MYO18B: variants seen among roughly 807,000 people sequenced by gnomAD.
MYO18B encodes the protein myosin XVIIIB, also known as unconventional myosin-XVIIIb.
Under a neutral mutation model 273.0 loss-of-function variants are expected in MYO18B, and 204 were observed. That is an observed-to-expected ratio of 0.75 (90% CI 0.67 to 0.84). The LOEUF (loss-of-function observed/expected upper bound fraction) is 0.84. Among genes scored for constraint, MYO18B ranks in the 40% least tolerant of loss-of-function variants. The probability of loss-of-function intolerance (pLI) is 0.00; values close to 1 mark genes in which losing one functional copy is unlikely to be tolerated. For synonymous variants in MYO18B, 1,330 were observed against 1,305.7 expected (o/e 1.02, Z -0.40); for missense variants, 3,212 against 3,287.6 (o/e 0.98, Z 0.56).
intron 32 of MYO18B, 87 bp from the exon 33 acceptor site, chr22:25,910,859 C>T (rs568556220): frequency 7.6e-6 from 8 of 1,052,958 alleles, no homozygotes; most frequent in South Asian, 4.2e-5. Flanking sequence ...CTCTACATTC[C>T]TCCGCCTTCT....
intron 18 of MYO18B, 128 bp downstream of exon 18, chr22:25,844,022 A>G (rs980123598): frequency 2.5e-6 from 2 of 796,174 alleles, no homozygotes; most frequent in Non-Finnish European, 3.8e-6. Flanking sequence ...TCCCTCCATA[A>G]TGGAGCAAAG....
chr22:25,841,963 G>T (rs895394332), intron 17 of MYO18B, among the ~76,000 whole-genome samples: 2 of 152,238 alleles, frequency 1.3e-5, no homozygotes, highest in African/African-American at 4.8e-5. Context: ...TTTCTTGAGG[G>T]CAGGGACTGC....
At chr22:25,977,419 G>C (rs756790002) in intron 39 of MYO18B, among the ~76,000 whole-genome samples, 2 of 152,128 alleles carry the variant, frequency 1.3e-5, no homozygotes, top group African/African-American at 4.8e-5. Flanking sequence ...GCTACACCAG[G>C]TTAAGACCTA....
intron 1 of MYO18B, among the ~76,000 whole-genome samples, 178 bp downstream of exon 1, chr22:25,742,471 C>G (rs1330431164): frequency 3.0e-4 from 46 of 152,040 alleles, no homozygotes; most frequent in Admixed American, 3.0e-3. Context: ...CCGTGCTGCT[C>G]ACTTTGAAAA....
Position 25,780,150 on chromosome 22 carries a change from G to A in MYO18B, c.2163G>A (p.Met721Ile). ...SRSATRFSMV[M>I]SLDFNATGRI... is the part of the protein sequence containing the mutation. ...GTGCCACCCGGTTCTCCATGGTGATGTCGCTGGACTTCAACGCTACAGGCC... is the reference window on the plus strand; with the variant it reads ...GTGCCACCCGGTTCTCCATGGTGATATCGCTGGACTTCAACGCTACAGGCC... The change falls in exon 9 of 44, where the codon ATG (methionine) becomes ATA (isoleucine). Residue 721 changes from methionine (M) to isoleucine (I), a missense_variant. Coordinates refer to ENST00000335473, the MANE Select transcript of MYO18B (RefSeq NM_032608.7). 1 of 1,607,076 alleles carries A rather than the reference G, an allele frequency of 6.2e-7. No homozygotes were observed.
chr22:26,011,755 A>G (rs1316176508), intron 42 of MYO18B, among the ~76,000 whole-genome samples: 3 of 152,180 alleles, frequency 2.0e-5, no homozygotes, highest in African/African-American at 4.8e-5. Context: ...TGCTGTTGCT[A>G]TTGGACTTGT....
At chr22:25,826,195 G>A (rs1224706164) in intron 13 of MYO18B, among the ~76,000 whole-genome samples, 1 of 152,200 alleles carries the variant, frequency 6.6e-6, no homozygotes, top group Non-Finnish European at 1.5e-5. Context: ...ATCACTCTGG[G>A]GTGAAGGTAG....
At chr22:25,915,198 C>G (rs1239312579) in intron 33 of MYO18B, among the ~76,000 whole-genome samples, 1 of 152,084 alleles carries the variant, frequency 6.6e-6, no homozygotes, top group Non-Finnish European at 1.5e-5. Context: ...TTTTGTGATA[C>G]ACATATTTGC....
At chr22:26,047,591 T>C in the MYO18B span, among the ~76,000 whole-genome samples, 1 of 152,198 alleles carries the variant, frequency 6.6e-6, no homozygotes, top group East Asian at 1.9e-4. Flanking sequence ...ACTAGCCATA[T>C]TCAGCTACTG....
At position 26,020,818 on chromosome 22, in the gene MYO18B, G is replaced by A. The variant is rs374814211; in HGVS notation, c.6471-5627G>A. Among the ~76,000 whole-genome samples, 33 of 151,726 alleles carry A rather than the reference G, an allele frequency of 2.2e-4. No homozygotes were observed. The South Asian group carries it at 6.0e-3, about 28-fold the overall frequency. ...AAAGATAACTGGGGGCCCGGGCACC[G>A]TGACTCACGCCTGTAATCCCAACAG... On this transcript the variant is annotated intron_variant, in intron 42 of 43. Coordinates refer to ENST00000335473, the MANE Select transcript of MYO18B (RefSeq NM_032608.7).
At chr22:25,949,801 G>T (rs868409710) in intron 36 of MYO18B, among the ~76,000 whole-genome samples, 2 of 151,954 alleles carry the variant, frequency 1.3e-5, no homozygotes, top group Non-Finnish European at 2.9e-5. Context: ...GAAATAGAAA[G>T]TAAAGAGGTG....
intron 39 of MYO18B, among the ~76,000 whole-genome samples, chr22:25,974,764 AG>A (rs1242542802): frequency 6.6e-6 from 1 of 152,214 alleles, no homozygotes; most frequent in Non-Finnish European, 1.5e-5. Flanking sequence ...GGATTTGCAC[AG>A]GAAACTCATA....
intron 22 of MYO18B, 73 bp downstream of exon 22, chr22:25,868,458 A>G (rs1267191430): frequency 2.4e-6 from 3 of 1,263,524 alleles, no homozygotes; most frequent in Admixed American, 2.1e-5. Context: ...TTCTTGTCCT[A>G]CCTCAATTGT....
intron 1 of MYO18B, among the ~76,000 whole-genome samples, chr22:25,753,486 A>T (rs143256566): frequency 0.01 from 1,574 of 152,288 alleles, 30 homozygotes; most frequent in South Asian, 0.034. Flanking sequence ...TAAGGGAATG[A>T]AAGCAGGCTG....
chr22:25,799,830 A>G (rs542122722), intron 12 of MYO18B, among the ~76,000 whole-genome samples: 1 of 152,340 alleles, frequency 6.6e-6, no homozygotes, highest in East Asian at 1.9e-4. Context: ...AAGGACAGAC[A>G]TGCTGGGCTG....
intron 1 of MYO18B, among the ~76,000 whole-genome samples, chr22:25,757,373 G>A (rs970858770): frequency 2.7e-4 from 41 of 152,140 alleles, no homozygotes; most frequent in African/African-American, 6.3e-4. Context: ...GCCGAGGGTC[G>A]GATCACAAGG....
intron 1 of MYO18B, among the ~76,000 whole-genome samples, chr22:25,757,690 T>C (rs1037350337): frequency 5.9e-5 from 9 of 152,054 alleles, no homozygotes; most frequent in African/African-American, 2.2e-4. Flanking sequence ...TGAAGCACAT[T>C]GCTCAGAGGG....
chr22:26,039,818 A>G, the MYO18B span, among the ~76,000 whole-genome samples: 1 of 151,716 alleles, frequency 6.6e-6, no homozygotes, highest in African/African-American at 2.4e-5. Context: ...TGAGTCCCCA[A>G]AGTCCATATA....
In MYO18B at chr22:25,878,066, C is replaced by G. The variant is rs1214972057; in HGVS notation, c.4314+18C>G. 1 of 1,558,610 alleles carries G rather than the reference C, an allele frequency of 6.4e-7. No homozygotes were observed. Among genetic ancestry groups the G allele is most frequent in the South Asian group, 1.2e-5 (1 of 84,432 alleles). ...AAAGCAAGGTATCCCCATCCCTCCTCTTGGGTCCTTGTGGGGGGTCTTTAT... is the reference window on the plus strand; with the variant it reads ...AAAGCAAGGTATCCCCATCCCTCCTGTTGGGTCCTTGTGGGGGGTCTTTAT... On this transcript the variant is annotated intron_variant, in intron 25 of 43. Transcript: ENST00000335473.
Sources: gnomAD v4.1 joint callset for allele counts (sites outside exome capture counted in the v4.1 genomes callset) on GRCh38, gnomAD v4.1.1 for gene constraint, MANE v1.5 for transcripts, NCBI Gene and HGNC (gene_info 2026-07-23, HGNC 2026-07-21) for gene names.